The following CD44 variants were observed in gnomAD, a reference collection of about 807,000 sequenced individuals.
CD44 encodes the protein CD44 molecule (IN blood group).
In CD44, 49 loss-of-function variants were observed where a neutral mutation model predicts 88.8. The ratio of observed to expected loss-of-function variants is 0.55; its 90% CI spans 0.44 to 0.70. The LOEUF is 0.70. Among genes scored for constraint, CD44 ranks in the 30% least tolerant of loss-of-function variants. The pLI is 0.00. For synonymous variants in CD44, 325 were observed against 312.3 expected (o/e 1.04, Z -0.43); for missense variants, 883 against 913.8 (o/e 0.97, Z 0.43).
chr11:35,139,503 C>T, intron 1 of CD44, 133 bp downstream of exon 1: 1 of 818,484 alleles, frequency 1.2e-6, no homozygotes, highest in Non-Finnish European at 2.1e-6. Context: ...GCATTGGGCT[C>T]CGGAAAGCAG....
At chr11:35,142,821 T>C (rs187479978) in intron 1 of CD44, among the ~76,000 whole-genome samples, 5 of 152,304 alleles carry the variant, frequency 3.3e-5, no homozygotes, top group Admixed American at 1.3e-4. Context: ...TCATGACAGA[T>C]TCCCTTCCAT....
intron 5 of CD44, among the ~76,000 whole-genome samples, chr11:35,196,321 T>C (rs1946739483): frequency 6.6e-6 from 1 of 152,216 alleles, no homozygotes; most frequent in Non-Finnish European, 1.5e-5. Context: ...TCCTGAAATT[T>C]TCACCACAGA....
chr11:35,185,798 A>G (rs1022587172), intron 3 of CD44, among the ~76,000 whole-genome samples: 3 of 152,238 alleles, frequency 2.0e-5, no homozygotes, highest in Admixed American at 2.0e-4. Context: ...AGAGCTCAAT[A>G]CAAGGTATAG....
chr11:35,183,235 C>T (rs1318103285), intron 3 of CD44, among the ~76,000 whole-genome samples: 1 of 151,720 alleles, frequency 6.6e-6, no homozygotes, highest in Non-Finnish European at 1.5e-5. Context: ...TATTGATCAC[C>T]TCTATGTGCT....
intron 5 of CD44, among the ~76,000 whole-genome samples, chr11:35,191,823 C>G (rs183685711): frequency 6.6e-6 from 1 of 152,310 alleles, no homozygotes; most frequent in African/African-American, 2.4e-5. Flanking sequence ...TCTTCCCTTC[C>G]TAAGTTAGTC....
intron 1 of CD44, among the ~76,000 whole-genome samples, chr11:35,144,433 C>T (rs1024158433): frequency 1.3e-5 from 2 of 152,176 alleles, no homozygotes; most frequent in Non-Finnish European, 2.9e-5. Context: ...ACTCAATTTC[C>T]TTTGTGTCCC....
chr11:35,207,179 T>G (rs2134130909), intron 11 of CD44, among the ~76,000 whole-genome samples: 1 of 152,326 alleles, frequency 6.6e-6, no homozygotes, highest in Middle Eastern at 3.4e-3. Flanking sequence ...GTCACCACAT[T>G]TTTGTCCTAC....
Position 35,221,548 on chromosome 11 carries a change from G to A in CD44, c.1946-106G>A, listed in dbSNP as rs139832018. On this transcript the variant is annotated intron_variant, in intron 16 of 17. Coordinates refer to ENST00000428726, the MANE Select transcript of CD44 (RefSeq NM_000610.4). ...CCTATTGGCCAGACCCCCCTGCAGC[G>A]CTGACTGTGGTGCTTGTTTCAACTA... 4.1e-3 allele frequency: 3,794 copies of A among 927,224 alleles called. 36 individuals are homozygous for A. Among genetic ancestry groups the A allele is most frequent in the Middle Eastern group, 0.016 (74 of 4,690 alleles). The allele number at this position is 927,224 out of a possible 1,614,324, so 57.4% of individuals were successfully genotyped here. A position where few individuals can be genotyped will look rare whatever the true frequency, so the allele number is the denominator to read the frequency against.
At chr11:35,190,269 A>G (rs1214133070) in intron 5 of CD44, 7 of 593,036 alleles carry the variant, frequency 1.2e-5, no homozygotes, top group Non-Finnish European at 2.1e-5. Context: ...TTCCTCATCT[A>G]TAACTGTTTT....
intron 15 of CD44, among the ~76,000 whole-genome samples, chr11:35,218,053 G>T (rs1436360369): frequency 6.6e-6 from 1 of 151,956 alleles, no homozygotes. Flanking sequence ...CTCCCAAAGT[G>T]CTGGGATTAC....
rs1341167969 is a variant in CD44 at position 35,189,949 on chromosome 11, G to A, written c.551G>A (p.Ser184Asn). Residue 184 changes from serine to asparagine, a missense_variant, in exon 5 of 18, where the codon AGT (serine) becomes AAT (asparagine). This residue lies in a region of CD44 where 252 missense variants were observed against 322.9 expected (regional missense o/e 0.78). Transcript: ENST00000428726. Reference protein sequence around the residue: ...TDDDVSSGSSSERSSTSGGYI... With the variant: ...TDDDVSSGSSNERSSTSGGYI... Reference sequence around the variant, plus strand: ...GATGACGTGAGCAGCGGCTCCTCCAGTGAAAGGAGCAGCACTTCAGGAGGT... The same window carrying A: ...GATGACGTGAGCAGCGGCTCCTCCAATGAAAGGAGCAGCACTTCAGGAGGT... 4 of 1,613,850 alleles carry A rather than the reference G, an allele frequency of 2.5e-6. No individual in the cohort carries two copies. Among genetic ancestry groups the A allele is most frequent in the Non-Finnish European group, 3.4e-6 (4 of 1,179,850 alleles).
intron 15 of CD44, among the ~76,000 whole-genome samples, chr11:35,215,924 A>C (rs1220642815): frequency 6.7e-6 from 1 of 150,078 alleles, no homozygotes; most frequent in South Asian, 2.2e-4. Context: ...CAGCAAATTC[A>C]TAGAGTTTAT....
At chr11:35,217,267 CTTT>C (rs5791042) in intron 15 of CD44, among the ~76,000 whole-genome samples, 10 of 129,152 alleles carry the variant, frequency 7.7e-5, no homozygotes, top group Non-Finnish European at 1.5e-4. Context: ...AGCACTTCTT[CTTT>C]TTTTTTTTTT....
At chr11:35,205,262 T>A (rs980018763) in intron 10 of CD44, among the ~76,000 whole-genome samples, 2 of 152,250 alleles carry the variant, frequency 1.3e-5, no homozygotes, top group Non-Finnish European at 2.9e-5. Context: ...CAAGCTCCCA[T>A]GCAGGATTCT....
At chr11:35,225,474 T>C (rs983714906) in intron 17 of CD44, among the ~76,000 whole-genome samples, 2 of 152,030 alleles carry the variant, frequency 1.3e-5, no homozygotes, top group African/African-American at 4.8e-5. Context: ...GAAGAGGAGA[T>C]AAAGGTAAGA....
intron 11 of CD44, among the ~76,000 whole-genome samples, chr11:35,207,524 A>G (rs543733840): frequency 9.2e-5 from 14 of 152,248 alleles, no homozygotes; most frequent in Non-Finnish European, 1.9e-4. Context: ...AAGACCGCTT[A>G]TACTTGGGTT....
Position 35,196,885 on chromosome 11 carries a change from A to C in CD44, c.796+11A>C. 6.2e-7 allele frequency: 1 copy of C among 1,612,218 alleles called. No individual in the cohort carries two copies. Among genetic ancestry groups the C allele is most frequent in the Non-Finnish European group, 8.5e-7 (1 of 1,178,710 alleles). The stretch of plus-strand genomic sequence containing the variant: ...CAACACAAATGGCTGGTAATGAGTT[A>C]TTATTATCTCATAGCGTATGTTTTC... On this transcript the variant is annotated intron_variant, in intron 6 of 17. Transcript: ENST00000428726.
intron 17 of CD44, 55 bp downstream of exon 17, chr11:35,221,787 G>A (rs1591339174): frequency 6.9e-7 from 1 of 1,456,388 alleles, no homozygotes. Context: ...TTAAACCTGG[G>A]CTTTATATCC....
rs371256799 is a variant in CD44, at chr11:35,206,273, T to C, written c.1414+30T>C. ...TAGCCTCTGAGATTTTTATATATTA[T>C]GTTTTTTGAAATCCACTGAGTGACT... On this transcript the variant is annotated intron_variant, in intron 11 of 17. Coordinates refer to ENST00000428726, the MANE Select transcript of CD44 (RefSeq NM_000610.4). 4 of 1,570,152 alleles carry C rather than the reference T, an allele frequency of 2.5e-6. No homozygotes were observed. The African/African-American group carries it at 4.1e-5, about 16-fold the overall frequency.
Sources: allele counts gnomAD v4.1 joint callset (sites outside exome capture counted in the v4.1 genomes callset), GRCh38; gene constraint gnomAD v4.1.1; regional missense constraint gnomAD v4.1.1; transcripts MANE v1.5; gene names NCBI Gene and HGNC (gene_info 2026-07-23, HGNC 2026-07-21).